Variants in DNAH8 observed in about 807,000 individuals in gnomAD.
DNAH8 encodes dynein axonemal heavy chain 8, also known as axonemal beta dynein heavy chain 8.
Under a neutral mutation model 562.1 loss-of-function variants are expected in DNAH8, and 382 were observed. The observed-to-expected ratio is 0.68, with a 90% CI of 0.63 to 0.74. The LOEUF is 0.74. Ranked by LOEUF, DNAH8 falls within the 30% of genes least tolerant of loss-of-function variation. DNAH8 has a pLI of 0.00. For missense variants in DNAH8, 5,203 were observed against 5,620.4 expected, an observed-to-expected ratio of 0.93 and a Z score of 2.37; for synonymous variants, 1,881 against 1,919.4, an observed-to-expected ratio of 0.98 and a Z score of 0.52.
intron 87 of DNAH8, among the ~76,000 whole-genome samples, chr6:38,987,166 T>A (rs1311035520): frequency 6.6e-6 from 1 of 152,160 alleles, no homozygotes; most frequent in Non-Finnish European, 1.5e-5. Context: ...AAAGCTGCTG[T>A]GTTGGTCCAG....
intron 52 of DNAH8, among the ~76,000 whole-genome samples, chr6:38,873,727 TACACACACACAC>T (rs762717515): frequency 1.1e-3 from 102 of 96,482 alleles, no homozygotes; most frequent in African/African-American, 3.0e-3. Flanking sequence ...CACATACACC[TACACACACACAC>T]ACACACACAC....
At chr6:38,917,461 C>T (rs919447646) in intron 69 of DNAH8, 55 bp downstream of exon 69, 1 of 1,448,034 alleles carries the variant, frequency 6.9e-7, no homozygotes, top group African/African-American at 1.4e-5. Context: ...GTCCTCAGCC[C>T]AGGACACTCA....
intron 89 of DNAH8, 43 bp downstream of exon 89, chr6:39,009,013 A>G: frequency 9.3e-6 from 13 of 1,393,230 alleles, no homozygotes; most frequent in Non-Finnish European, 1.3e-5. Context: ...GGCTATTTGT[A>G]TATTTAAACA....
intron 41 of DNAH8, among the ~76,000 whole-genome samples, chr6:38,856,248 G>T (rs914005169): frequency 6.6e-6 from 1 of 152,134 alleles, no homozygotes; most frequent in East Asian, 1.9e-4. Flanking sequence ...TATAGGCATC[G>T]AGTAATATTG....
chr6:38,922,938 A>G, intron 71 of DNAH8, 120 bp from the exon 72 acceptor site: 1 of 968,634 alleles, frequency 1.0e-6, no homozygotes, highest in Non-Finnish European at 1.5e-6. Flanking sequence ...CTGTATTTTT[A>G]GGTTATATTA....
rs112838174 is a variant in DNAH8, at chr6:38,775,322, C to T, written c.1765-432C>T. 8.4e-4 allele frequency among the ~76,000 whole-genome samples: 128 copies of T among 152,286 alleles called. 1 individual carries two copies. Among genetic ancestry groups the T allele is most frequent in the African/African-American group, 2.9e-3 (122 of 41,568 alleles). On this transcript the variant is annotated intron_variant, in intron 12 of 92. Coordinates refer to ENST00000327475, the MANE Select transcript of DNAH8 (RefSeq NM_001206927.2). Reference sequence around the variant, plus strand: ...CATTATTCAAGCTTCTTGGACCAGTCTTTTACCAGAACACAGGCGGATATG... The same window carrying T: ...CATTATTCAAGCTTCTTGGACCAGTTTTTTACCAGAACACAGGCGGATATG...
intron 1 of DNAH8, among the ~76,000 whole-genome samples, chr6:38,715,952 A>ATTTTTTT (rs1562521236): frequency 3.1e-4 from 8 of 25,698 alleles, no homozygotes; most frequent in African/African-American, 1.3e-3. Flanking sequence ...ATATATATAT[A>ATTTTTTT]TATATATATT....
At chr6:38,742,993 A>ATGTTGTTGTTGT (rs144662466) in intron 8 of DNAH8, among the ~76,000 whole-genome samples, 1 of 133,872 alleles carries the variant, frequency 7.5e-6, no homozygotes, top group Non-Finnish European at 1.6e-5. Context: ...TTCCAAAAAA[A>ATGTTGTTGTTGT]TGTTGTTGTT....
At chr6:38,848,028 A>G (rs2150381946) in intron 36 of DNAH8, among the ~76,000 whole-genome samples, 1 of 152,234 alleles carries the variant, frequency 6.6e-6, no homozygotes, top group Middle Eastern at 3.4e-3. Context: ...TGGGAAGAGC[A>G]CACCTGTAAG....
chr6:38,790,507 A>T, intron 20 of DNAH8, 102 bp downstream of exon 20: 1 of 589,840 alleles, frequency 1.7e-6, no homozygotes, highest in Non-Finnish European at 2.9e-6. Flanking sequence ...CTTTTAACTA[A>T]AAGGACATCC....
intron 35 of DNAH8, among the ~76,000 whole-genome samples, chr6:38,843,272 T>C (rs1774979389): frequency 6.6e-6 from 1 of 152,148 alleles, no homozygotes; most frequent in African/African-American, 2.4e-5. Flanking sequence ...GTTCAGTCTA[T>C]TAAGTTTTTA....
intron 12 of DNAH8, among the ~76,000 whole-genome samples, chr6:38,774,938 C>G (rs951178130): frequency 1.2e-4 from 18 of 152,100 alleles, no homozygotes; most frequent in African/African-American, 4.1e-4. Flanking sequence ...GCAACAGTTG[C>G]TTTGAAAATA....
intron 22 of DNAH8, 84 bp from the exon 23 acceptor site, chr6:38,805,397 C>G: frequency 2.5e-6 from 2 of 813,536 alleles, no homozygotes; most frequent in East Asian, 2.6e-5. Context: ...TAAAAAGGAA[C>G]TTCCTAAGAG....
intron 61 of DNAH8, 86 bp from the exon 62 acceptor site, chr6:38,899,690 T>C: frequency 6.9e-7 from 1 of 1,439,114 alleles, no homozygotes; most frequent in Non-Finnish European, 9.6e-7. Flanking sequence ...TAGAAACATA[T>C]GATCAAAACT....
In DNAH8 at chr6:38,827,914, A is replaced by G. The variant is rs538687655; in HGVS notation, c.4084-270A>G. Among the ~76,000 whole-genome samples, 20 of 152,006 alleles carry G rather than the reference A, an allele frequency of 1.3e-4. No individual in the cohort carries two copies. The South Asian group carries it at 4.2e-3, about 32-fold the overall frequency. The stretch of plus-strand genomic sequence containing the variant: ...AGTCTGTATCTTACGTGGTGTTGAC[A>G]TAGGGTCAAGGAGGAAAAAGAGACA... On this transcript the variant is annotated intron_variant, in intron 29 of 92. Transcript: ENST00000327475.
chr6:38,772,664 C>T (rs551063051), intron 12 of DNAH8, among the ~76,000 whole-genome samples: 2 of 152,068 alleles, frequency 1.3e-5, no homozygotes, highest in East Asian at 3.9e-4. Context: ...TTTTCACTTT[C>T]TTGATGGTGT....
chr6:38,865,079 C>A (rs1184090597), intron 45 of DNAH8, among the ~76,000 whole-genome samples: 1 of 152,112 alleles, frequency 6.6e-6, no homozygotes, highest in East Asian at 1.9e-4. Context: ...GATAGGAAAC[C>A]AAAGGCATGA....
intron 11 of DNAH8, among the ~76,000 whole-genome samples, chr6:38,762,138 A>C (rs978000957): frequency 6.6e-6 from 1 of 152,118 alleles, no homozygotes; most frequent in Non-Finnish European, 1.5e-5. Context: ...TTAAATAGAC[A>C]TGGTAGTAGT....
At chr6:39,004,528 C>A (rs996808672) in intron 88 of DNAH8, among the ~76,000 whole-genome samples, 1 of 152,134 alleles carries the variant, frequency 6.6e-6, no homozygotes, top group Non-Finnish European at 1.5e-5. Context: ...CCTTATTTTG[C>A]CTTCCTTTTT....
Sources: gnomAD v4.1 joint callset for allele counts (sites outside exome capture counted in the v4.1 genomes callset) on GRCh38, gnomAD v4.1.1 for gene constraint, MANE v1.5 for transcripts, NCBI Gene and HGNC (gene_info 2026-07-23, HGNC 2026-07-21) for gene names.